CCDC116: variants seen among roughly 807,000 people sequenced by gnomAD.
The protein encoded by CCDC116 is coiled-coil domain containing 116.
Under a neutral mutation model 29.4 loss-of-function variants are expected in CCDC116, and 24 were observed. The observed-to-expected ratio is 0.82, with a 90% confidence interval of 0.59 to 1.15. CCDC116 has a LOEUF of 1.15. Among genes scored for constraint, CCDC116 ranks in the 50% most tolerant of loss-of-function variants. The pLI is 0.00. For missense variants in CCDC116, 791 were observed against 804.0 expected (o/e 0.98, Z 0.20); for synonymous variants, 298 against 331.4 (o/e 0.90, Z 1.10).
chr22:21,634,147 C>T lies in CCDC116; in HGVS notation c.198C>T (p.His66=), dbSNP rs1257855305. ...ALQGQRRNKR[H]PQPFGHFLDF... The stretch of plus-strand genomic sequence containing the variant: ...AGGGCCAACGCCGAAACAAGAGGCA[C>T]CCTCAGCCCTTTGGCCACTTTCTGG... Residue 66 remains histidine, a synonymous_variant, in exon 3 of 5, where the codon CAC becomes CAT. Coordinates refer to ENST00000292779, the MANE Select transcript of CCDC116 (RefSeq NM_152612.3). The T allele has an allele frequency of 3.1e-6, 5 of 1,614,146 alleles. No individual in the cohort carries two copies. The highest frequency in any genetic ancestry group is 3.4e-6 in the Non-Finnish European group (4 of 1,180,046).
intron 4 of CCDC116, chr22:21,635,821 A>G (rs1262023581): frequency 3.5e-6 from 2 of 578,372 alleles, no homozygotes; most frequent in Middle Eastern, 4.5e-4. Context: ...TAACGTTTGT[A>G]TGTGAATCTA....
In CCDC116 at chr22:21,637,094, G is replaced by A. The variant is rs548178257; in HGVS notation, c.*24G>A. On this transcript the variant is annotated 3_prime_UTR_variant, in exon 5 of 5. Transcript: ENST00000292779. ...AGAGCCTCCCAGAGCCTGGAGAGGAGGCCTCGGTCAGCCACTCCGTGGACG... is the reference window on the plus strand; with the variant it reads ...AGAGCCTCCCAGAGCCTGGAGAGGAAGCCTCGGTCAGCCACTCCGTGGACG... 5.0e-5 allele frequency: 79 copies of A among 1,573,126 alleles called. No individual in the cohort carries two copies. The highest frequency in any genetic ancestry group is 6.5e-5 in the Non-Finnish European group (75 of 1,158,152).
Position 21,633,827 on chromosome 22 carries a change from T to C in CCDC116, c.73-195T>C, listed in dbSNP as rs144367081. On this transcript the variant is annotated intron_variant, in intron 2 of 4. Coordinates refer to ENST00000292779, the MANE Select transcript of CCDC116 (RefSeq NM_152612.3). The stretch of plus-strand genomic sequence containing the variant: ...GACCTCCACTTTGCAGATGAGGACA[T>C]TGGACCTCAAGAGGGGCCATCTTGC... Among the ~76,000 whole-genome samples, 47 of 152,322 alleles carry C rather than the reference T, an allele frequency of 3.1e-4. No individual in the cohort carries two copies. The East Asian group carries it at 7.9e-3, about 26-fold the overall frequency.
rs758204719 is a variant in CCDC116 at position 21,635,285 on chromosome 22, C to T, written c.1203+19C>T. ...ACTCAAGGTGACACCCACGGAGAAG[C>T]CCAATGTCCCCAGCCCCTCACTCCA... On this transcript the variant is annotated intron_variant, in intron 4 of 4. Transcript: ENST00000292779. The T allele has an allele frequency of 7.6e-6, 12 of 1,575,302 alleles. No individual in the cohort carries two copies. The Admixed American group carries it at 8.5e-5, about 11-fold the overall frequency.
Position 21,634,268 on chromosome 22 carries a change from C to T in CCDC116, c.319C>T (p.Pro107Ser), listed in dbSNP as rs1273631260. ...MAAMKTEAGV[P>S]LVEVQDPVEV... ...TGCCATGAAGACGGAGGCTGGGGTG[C>T]CGCTTGTGGAGGTGCAGGACCCAGT... The change falls in exon 3 of 5, where the codon CCG becomes TCG. Residue 107 changes from proline (P) to serine (S), a missense_variant. Pro to Ser is a moderately conservative substitution (Grantham distance 74). Coordinates refer to ENST00000292779, the MANE Select transcript of CCDC116 (RefSeq NM_152612.3). 3 of 1,613,854 alleles carry T rather than the reference C, an allele frequency of 1.9e-6. No homozygotes were observed. The Admixed American group carries it at 5.0e-5, about 27-fold the overall frequency.
Position 21,636,702 on chromosome 22 carries a change from G to A in CCDC116, c.1474G>A (p.Glu492Lys), listed in dbSNP as rs768908319. ...AGGCTCCCGCATCCACCTGTCCTCG[G>A]AGACCCACCGGAGCTGCCTGCTGCG... is the stretch of plus-strand genomic sequence containing the variant. ...VKGSRIHLSSETHRSCLLRKL... is the reference protein window; with the variant it reads ...VKGSRIHLSSKTHRSCLLRKL... The change falls in exon 5 of 5, where the codon GAG becomes AAG. Residue 492 changes from glutamate (E) to lysine (K), a missense_variant. Physicochemically the swap from Glu to Lys is moderately conservative, Grantham distance 56. Transcript: ENST00000292779. The A allele has an allele frequency of 1.2e-6, 2 of 1,613,648 alleles. No individual in the cohort carries two copies. Among genetic ancestry groups the A allele is most frequent in the Admixed American group, 3.3e-5 (2 of 60,006 alleles).
At chr22:21,636,383 G>A (rs1379229645) in intron 4 of CCDC116, 49 bp from the exon 5 acceptor site, 6 of 1,549,794 alleles carry the variant, frequency 3.9e-6, no homozygotes, top group Non-Finnish European at 4.4e-6. Context: ...AGAGGGATGG[G>A]GCTGGCAGGT....
rs1022384723 is a variant in CCDC116 at position 21,633,204 on chromosome 22, C to T, written c.23C>T (p.Ser8Leu). ...CACATGGCCAGGTGCCGCCACCACTCGGGTTACCTGGCCGATGACGAGGCC... is the reference window on the plus strand; with the variant it reads ...CACATGGCCAGGTGCCGCCACCACTTGGGTTACCTGGCCGATGACGAGGCC... MARCRHHSGYLADDEASH... is the reference protein window; with the variant it reads MARCRHHLGYLADDEASH... The change falls in exon 2 of 5, where the codon TCG becomes TTG. Residue 8 changes from serine (S) to leucine (L), a missense_variant. By Grantham distance (145) the Ser-to-Leu change is moderately radical (BLOSUM62 -2). Transcript: ENST00000292779. 7 of 1,550,538 alleles carry T rather than the reference C, an allele frequency of 4.5e-6. No homozygotes were observed. The highest frequency in any genetic ancestry group is 4.9e-5 in the East Asian group (2 of 40,990).
rs1279913209 is a variant in CCDC116, at chr22:21,637,202, C to T, written c.*132C>T. ...AGAGTTGCTGCACATCACACCAGCC[C>T]CTGCCAAGAGCAGGAGTCACCACAG... On this transcript the variant is annotated 3_prime_UTR_variant, in exon 5 of 5. Transcript: ENST00000292779. The T allele has an allele frequency of 4.4e-6, 6 of 1,375,704 alleles. No individual in the cohort carries two copies. Among genetic ancestry groups the T allele is most frequent in the Non-Finnish European group, 5.8e-6 (6 of 1,043,090 alleles). The allele number at this position is 1,375,704 out of a possible 1,614,324, so 85.2% of individuals were successfully genotyped here.
In CCDC116 at chr22:21,634,936, C is replaced by G; in HGVS notation, c.873C>G (p.Tyr291Ter). The G allele has an allele frequency of 6.2e-7, 1 of 1,613,832 alleles. No homozygotes were observed. Among genetic ancestry groups the G allele is most frequent in the Non-Finnish European group, 8.5e-7 (1 of 1,180,030 alleles). ...TGGAGTCCCTCGACCTGCCTGGCTA[C>G]TGTCCGCTCCGTGAGCCCCATCGCA... ...SQLESLDLPG[Y>*]CPLREPHRTL... is the part of the protein sequence containing the mutation. The change falls in exon 4 of 5, where the codon TAC (tyrosine) becomes TAG (stop). Residue 291 changes from tyrosine (Y) to a stop codon, truncating the protein, a stop_gained. Transcript: ENST00000292779. LOFTEE classifies it high-confidence loss of function.
At position 21,636,737 on chromosome 22, in the gene CCDC116, G is replaced by A; in HGVS notation, c.1509G>A (p.Glu503=). Residue 503 remains glutamate, a synonymous_variant, in exon 5 of 5, where the codon GAG becomes GAA. Coordinates refer to ENST00000292779, the MANE Select transcript of CCDC116 (RefSeq NM_152612.3). ...THRSCLLRKL[E]ESKRARQASR... is the part of the protein sequence containing the mutation. ...GGAGCTGCCTGCTGCGTAAACTGGA[G>A]GAGTCCAAAAGGGCCCGGCAGGCCT... is the stretch of plus-strand genomic sequence containing the variant. The A allele has an allele frequency of 6.2e-7, 1 of 1,613,254 alleles. No homozygotes were observed. The highest frequency in any genetic ancestry group is 2.2e-5 in the East Asian group (1 of 44,868).
intron 4 of CCDC116, 61 bp from the exon 5 acceptor site, chr22:21,636,369 TCA>T (rs1930798446): frequency 2.0e-6 from 3 of 1,498,666 alleles, no homozygotes; most frequent in Admixed American, 1.8e-5. Flanking sequence ...GGAAGGGGTG[TCA>T]CAGAGGGATG....
intron 2 of CCDC116, among the ~76,000 whole-genome samples, chr22:21,633,573 A>T (rs1234287121): frequency 2.6e-5 from 4 of 151,978 alleles, no homozygotes; most frequent in Non-Finnish European, 5.9e-5. Flanking sequence ...AGGGCTCAAG[A>T]CCTCAGGTGT....
chr22:21,634,219 G>A lies in CCDC116; in HGVS notation c.270G>A (p.Val90=). 1 of 1,614,236 alleles carries A rather than the reference G, an allele frequency of 6.2e-7. No homozygotes were observed. ...SQVLDSLETV[V]EKATERMAAM... is the part of the protein sequence containing the mutation. Reference sequence around the variant, plus strand: ...TCCTGGACAGCCTGGAGACAGTGGTGGAGAAGGCGACTGAGCGCATGGCTG... The same window carrying A: ...TCCTGGACAGCCTGGAGACAGTGGTAGAGAAGGCGACTGAGCGCATGGCTG... Residue 90 remains valine (V), a synonymous_variant, in exon 3 of 5, where the codon GTG becomes GTA. Transcript: ENST00000292779.
At chr22:21,633,444 G>A (rs1930635575) in intron 2 of CCDC116, among the ~76,000 whole-genome samples, 191 bp downstream of exon 2, 1 of 152,120 alleles carries the variant, frequency 6.6e-6, no homozygotes, top group African/African-American at 2.4e-5. Context: ...TTCATTCCTT[G>A]TTTCCTCCTG....
rs778567464 is a variant in CCDC116 at position 21,636,919 on chromosome 22, A to G, written c.1691A>G (p.Tyr564Cys). 6.2e-7 allele frequency: 1 copy of G among 1,613,844 alleles called. No individual in the cohort carries two copies. The highest frequency in any genetic ancestry group is 8.5e-7 in the Non-Finnish European group (1 of 1,180,040). Residue 564 changes from tyrosine (Y) to cysteine (C), a missense_variant, in exon 5 of 5, where the codon TAC (tyrosine) becomes TGC (cysteine). Transcript: ENST00000292779. ...RQLSPLEPKL[Y>C]MSACTGMGSS... ...CTCAGCCCTTTGGAGCCCAAGCTCT[A>G]CATGTCTGCCTGCACCGGCATGGGT...
chr22:21,636,563 C>G lies in CCDC116; in HGVS notation c.1335C>G (p.Ser445=), dbSNP rs1930809877. ...LADFLTQQAA[S]LVIRKYEFEK... is the part of the protein sequence containing the mutation. ...ACTTCCTGACCCAGCAGGCAGCCTC[C>G]TTGGTCATCCGCAAGTACGAGTTCG... The change falls in exon 5 of 5, where the codon TCC becomes TCG. Residue 445 remains serine (S), a synonymous_variant. Coordinates refer to ENST00000292779, the MANE Select transcript of CCDC116 (RefSeq NM_152612.3). 6.2e-7 allele frequency: 1 copy of G among 1,613,976 alleles called. No homozygotes were observed. Among genetic ancestry groups the G allele is most frequent in the Non-Finnish European group, 8.5e-7 (1 of 1,180,024 alleles).
chr22:21,633,142 A>G lies in CCDC116; in HGVS notation c.-40A>G. The G allele has an allele frequency of 6.6e-7, 1 of 1,504,104 alleles. No individual in the cohort carries two copies. The highest frequency in any genetic ancestry group is 9.1e-7 in the Non-Finnish European group (1 of 1,104,376). 93.2% of individuals were successfully genotyped at this position (1,504,104 alleles called of 1,614,324 possible). On this transcript the variant is annotated 5_prime_UTR_variant, in exon 2 of 5. Coordinates refer to ENST00000292779, the MANE Select transcript of CCDC116 (RefSeq NM_152612.3). The stretch of plus-strand genomic sequence containing the variant: ...CAGAGAGGAATGCGCAGCTGAAGAG[A>G]GAGGTGGGCAGCAGGCCCGGTCACC...
chr22:21,636,491 G>A lies in CCDC116; in HGVS notation c.1263G>A (p.Lys421=). ...KKKPLPSISS[K]SSMSHFSNRL... ...AGCCGCTGCCCTCCATCTCGTCGAA[G>A]TCCAGCATGTCTCACTTCTCCAACC... The change falls in exon 5 of 5, where the codon AAG becomes AAA. Residue 421 remains lysine (K), a synonymous_variant. Coordinates refer to ENST00000292779, the MANE Select transcript of CCDC116 (RefSeq NM_152612.3). 1.2e-6 allele frequency: 2 copies of A among 1,613,996 alleles called. No individual in the cohort carries two copies. The highest frequency in any genetic ancestry group is 1.1e-5 in the South Asian group (1 of 91,088).
Sources: allele counts gnomAD v4.1 joint callset (sites outside exome capture counted in the v4.1 genomes callset), GRCh38; gene constraint gnomAD v4.1.1; transcripts MANE v1.5; gene names NCBI Gene and HGNC (gene_info 2026-07-23, HGNC 2026-07-21).